NFIB: variants seen among roughly 807,000 people sequenced by gnomAD.
The protein encoded by NFIB is nuclear factor 1 B-type.
In NFIB, 11 loss-of-function variants were observed where a neutral mutation model predicts 61.5. The observed-to-expected ratio is 0.18, with a 90% CI of 0.11 to 0.30. NFIB has a LOEUF of 0.30. NFIB is among the 10% of genes least tolerant of loss of function. NFIB has a pLI of 1.00. For missense variants in NFIB, 471 were observed against 608.9 expected (o/e 0.77, Z 2.38); for synonymous variants, 260 against 216.5 (o/e 1.20, Z -1.76).
the NFIB span, among the ~76,000 whole-genome samples, chr9:14,524,117 G>T: frequency 6.6e-6 from 1 of 152,226 alleles, no homozygotes; most frequent in Non-Finnish European, 1.5e-5. Context: ...TATTCATTAA[G>T]GGCCTTTTAG....
chr9:14,179,748 C>A lies in NFIB; in HGVS notation c.595G>T (p.Asp199Tyr), dbSNP rs779392984. 1 of 1,613,492 alleles carries A rather than the reference C, an allele frequency of 6.2e-7. No individual in the cohort carries two copies. Among genetic ancestry groups the A allele is most frequent in the Non-Finnish European group, 8.5e-7 (1 of 1,179,644 alleles). The change falls in exon 3 of 11, where the codon GAT (aspartate) becomes TAT (tyrosine). Residue 199 changes from aspartate (D) to tyrosine (Y), a missense_variant. Physicochemically the swap from Asp to Tyr is radical, Grantham distance 160. Transcript: ENST00000380953. ...TTACCTGGAGGATTCTTGGCAGGATCATTGTGGCTTGGACTTCCTGATTGT... is the reference window on the plus strand; with the variant it reads ...TTACCTGGAGGATTCTTGGCAGGATAATTGTGGCTTGGACTTCCTGATTGT... ...SGQSGSPSHN[D>Y]PAKNPPGYLE...
chr9:14,148,189 C>T (rs2042483063), intron 5 of NFIB, among the ~76,000 whole-genome samples: 1 of 151,892 alleles, frequency 6.6e-6, no homozygotes, highest in Admixed American at 6.6e-5. Flanking sequence ...GTTGCATGAC[C>T]ACAGCTCACT....
In NFIB at chr9:14,313,182, A is replaced by AGG. The variant is rs1316284605; in HGVS notation, c.30+298_30+299dup. 1.3e-5 allele frequency among the ~76,000 whole-genome samples: 2 copies of AGG among 152,064 alleles called. No homozygotes were observed. Among genetic ancestry groups the AGG allele is most frequent in the Non-Finnish European group, 2.9e-5 (2 of 67,980 alleles). On this transcript the variant is annotated intron_variant, in intron 1 of 10. Transcript: ENST00000380953. The surrounding 1 kb of genome is among the most constrained non-coding windows in gnomAD (Gnocchi z 4.5). ...GATGCCGCACCACAACGGGCACTTG[A>AGG]GGGGCCGCACGGGGCCTCGCACTTA...
At chr9:14,201,627 T>C (rs1350980260) in intron 2 of NFIB, among the ~76,000 whole-genome samples, 2 of 152,162 alleles carry the variant, frequency 1.3e-5, no homozygotes, top group Non-Finnish European at 2.9e-5. Context: ...CAGTGCATTA[T>C]AGTTGGTTGT....
chr9:14,179,988 A>G (rs2046586396), intron 2 of NFIB, among the ~76,000 whole-genome samples: 1 of 152,220 alleles, frequency 6.6e-6, no homozygotes, highest in Non-Finnish European at 1.5e-5. Context: ...AAAGAAAAAC[A>G]CAAGTATTGA....
intron 1 of NFIB, among the ~76,000 whole-genome samples, chr9:14,344,226 G>GCA (rs1343293810): frequency 6.6e-6 from 1 of 151,560 alleles, no homozygotes; most frequent in Non-Finnish European, 1.5e-5. Context: ...CCCAAGAGAG[G>GCA]CACACACAGA....
At chr9:14,191,257 G>A (rs143874549) in intron 2 of NFIB, among the ~76,000 whole-genome samples, 116 of 152,228 alleles carry the variant, frequency 7.6e-4, no homozygotes, top group African/African-American at 2.8e-3. Context: ...GAGCCCTGGA[G>A]GTTGAGGCTG....
chr9:14,469,905 T>G, the NFIB span, among the ~76,000 whole-genome samples: 1 of 152,336 alleles, frequency 6.6e-6, no homozygotes, highest in South Asian at 2.1e-4. Flanking sequence ...CTTGAAAATT[T>G]CAAGTCCAAT....
chr9:14,118,257 T>C (rs145512127), intron 8 of NFIB, among the ~76,000 whole-genome samples: 2,131 of 152,232 alleles, frequency 0.014, 50 homozygotes, highest in African/African-American at 0.049. Context: ...TTATCATTGG[T>C]GGTACATTCA....
chr9:14,218,671 C>T (rs1267232182), intron 2 of NFIB, among the ~76,000 whole-genome samples: 2 of 152,152 alleles, frequency 1.3e-5, no homozygotes, highest in African/African-American at 2.4e-5. Flanking sequence ...GAGCCTATTG[C>T]TACCAACCAG....
intron 5 of NFIB, among the ~76,000 whole-genome samples, chr9:14,149,680 G>A (rs947738490): frequency 1.3e-5 from 2 of 152,146 alleles, no homozygotes; most frequent in South Asian, 2.1e-4. Flanking sequence ...ACTAATTGAA[G>A]AACTTGGCAA....
At chr9:14,393,633 T>C (rs1056908185) in intron 1 of NFIB, among the ~76,000 whole-genome samples, 3 of 152,198 alleles carry the variant, frequency 2.0e-5, no homozygotes, top group African/African-American at 4.8e-5. Context: ...CTAATTTGAA[T>C]GTCATCCAAA....
chr9:14,416,225 A>G, the NFIB span, among the ~76,000 whole-genome samples: 181 of 152,294 alleles, frequency 1.2e-3, 1 homozygote, highest in Non-Finnish European at 3.7e-4. Flanking sequence ...AGAGCTGAAA[A>G]AGTCCTATCA....
At chr9:14,260,500 G>C (rs1018684604) in intron 2 of NFIB, among the ~76,000 whole-genome samples, 3 of 152,190 alleles carry the variant, frequency 2.0e-5, no homozygotes, top group Non-Finnish European at 2.9e-5. Context: ...ACTCCAGGAA[G>C]GATTGTCTAA....
At chr9:14,302,277 A>C (rs1461395549) in intron 2 of NFIB, among the ~76,000 whole-genome samples, 1 of 152,224 alleles carries the variant, frequency 6.6e-6, no homozygotes, top group Non-Finnish European at 1.5e-5. Flanking sequence ...TAACTGTAGG[A>C]AGAAAATAAT....
the NFIB span, among the ~76,000 whole-genome samples, chr9:14,474,174 C>T: frequency 6.6e-6 from 1 of 152,144 alleles, no homozygotes; most frequent in Admixed American, 6.5e-5. Context: ...ATATCATAAA[C>T]TGGGTGGCTT....
intron 2 of NFIB, among the ~76,000 whole-genome samples, chr9:14,184,447 C>G (rs1440346825): frequency 6.6e-6 from 1 of 152,118 alleles, no homozygotes; most frequent in Non-Finnish European, 1.5e-5. Context: ...TTATTAGTAT[C>G]ACTGAACTCT....
chr9:14,175,163 ATTTCTTTT>A (rs1424235549), intron 3 of NFIB, among the ~76,000 whole-genome samples: 1 of 102,106 alleles, frequency 9.8e-6, no homozygotes, highest in Admixed American at 1.3e-4. Context: ...GACTTAAAGA[ATTTCTTTT>A]TTTTTTTTTT....
At chr9:14,492,937 G>C in the NFIB span, among the ~76,000 whole-genome samples, 3 of 152,194 alleles carry the variant, frequency 2.0e-5, no homozygotes, top group Non-Finnish European at 2.9e-5. Context: ...TAACCTCTCT[G>C]AGCTTCATAT....
Sources: gnomAD v4.1 joint callset for allele counts (sites outside exome capture counted in the v4.1 genomes callset) on GRCh38, gnomAD v4.1.1 for gene constraint, Gnocchi (gnomAD v3.1) non-coding constraint, MANE v1.5 for transcripts, NCBI Gene and HGNC (gene_info 2026-07-23, HGNC 2026-07-21) for gene names.